The following ANK2 variants were observed in gnomAD, a reference collection of about 807,000 sequenced individuals.
ANK2 encodes the protein ankyrin 2, also known as ankyrin-2.
ANK2 carries 83 observed loss-of-function variants against 360.5 expected under a neutral mutation model. That is an observed-to-expected ratio of 0.23 (90% confidence interval 0.19 to 0.28). The LOEUF is 0.28. Ranked by LOEUF, ANK2 falls within the 10% of genes least tolerant of loss-of-function variation. The pLI is 1.00. For missense variants in ANK2, 4,201 were observed against 4,795.7 expected (o/e 0.88, Z 3.66); for synonymous variants, 1,740 against 1,759.5 (o/e 0.99, Z 0.28).
intron 1 of ANK2, among the ~76,000 whole-genome samples, chr4:113,062,613 G>A (rs2074019502): frequency 6.6e-6 from 1 of 152,062 alleles, no homozygotes; most frequent in African/African-American, 2.4e-5. Flanking sequence ...GAAGTAAACA[G>A]TTTTGAATAA....
the ANK2 span, among the ~76,000 whole-genome samples, chr4:112,725,878 G>A: frequency 5.3e-5 from 8 of 151,704 alleles, no homozygotes; most frequent in Non-Finnish European, 1.0e-4. Context: ...TGTGAAAATG[G>A]CAAATTTTAT....
chr4:113,167,846 A>G (rs1300103764), intron 1 of ANK2, among the ~76,000 whole-genome samples: 1 of 152,214 alleles, frequency 6.6e-6, no homozygotes, highest in East Asian at 1.9e-4. Flanking sequence ...AATAAATGGA[A>G]TAAAAGACAT....
intron 1 of ANK2, among the ~76,000 whole-genome samples, chr4:112,848,422 A>G (rs1199382971): frequency 2.0e-5 from 3 of 152,200 alleles, no homozygotes; most frequent in African/African-American, 7.2e-5. Flanking sequence ...TTGGCCTCCC[A>G]AAGTGCGGGG....
intron 34 of ANK2, among the ~76,000 whole-genome samples, chr4:113,344,761 A>G (rs971259588): frequency 1.7e-4 from 26 of 152,216 alleles, no homozygotes; most frequent in African/African-American, 5.8e-4. Flanking sequence ...TAGACACAAA[A>G]GGACAAATAT....
intron 1 of ANK2, among the ~76,000 whole-genome samples, chr4:113,090,385 G>A (rs889667348): frequency 1.3e-5 from 2 of 152,134 alleles, no homozygotes; most frequent in African/African-American, 2.4e-5. Flanking sequence ...GTATGAAACA[G>A]ATATCCTCTT....
At chr4:112,953,191 C>CTA (rs2095137444) in intron 2 of ANK2, among the ~76,000 whole-genome samples, 1 of 152,164 alleles carries the variant, frequency 6.6e-6, no homozygotes, top group Non-Finnish European at 1.5e-5. Context: ...CCCAGAGGCA[C>CTA]TATAATCTCC....
intron 2 of ANK2, among the ~76,000 whole-genome samples, chr4:112,958,296 T>G (rs2032165429): frequency 6.6e-6 from 1 of 152,314 alleles, no homozygotes; most frequent in African/African-American, 2.4e-5. Context: ...CACTCCAGCC[T>G]GGGCACCATT....
At chr4:112,795,704 A>T in the ANK2 span, among the ~76,000 whole-genome samples, 12 of 151,696 alleles carry the variant, frequency 7.9e-5, no homozygotes, top group Non-Finnish European at 1.3e-4. Context: ...GGGTTTCACA[A>T]TGTTGGCCAG....
chr4:112,857,051 T>TG (rs34126207), intron 1 of ANK2, among the ~76,000 whole-genome samples: 30,873 of 151,454 alleles, frequency 0.2, 3,207 homozygotes, highest in Non-Finnish European at 0.22. Context: ...ATATCAAGAG[T>TG]GGGGGATTCT....
Position 113,236,828 on chromosome 4 carries a change from A to G in ANK2, c.484-159A>G, listed in dbSNP as rs148460502. Among the ~76,000 whole-genome samples the G allele has an allele frequency of 4.7e-3, 711 of 152,358 alleles. 2 individuals carry two copies. The highest frequency in any genetic ancestry group is 0.016 in the African/African-American group (663 of 41,584). ...TCTGATTAAACTATTCCATAATATG[A>G]TGGATAACTGGTTATAATCTGCTTC... On this transcript the variant is annotated intron_variant, in intron 5 of 45. Transcript: ENST00000357077.
intron 1 of ANK2, among the ~76,000 whole-genome samples, chr4:112,871,310 C>T (rs900919938): frequency 6.6e-6 from 1 of 152,020 alleles, no homozygotes; most frequent in African/African-American, 2.4e-5. Context: ...CTCAGCCTCC[C>T]AAGAGGCTGG....
At chr4:112,919,483 A>G (rs1175965587) in intron 2 of ANK2, among the ~76,000 whole-genome samples, 2 of 152,188 alleles carry the variant, frequency 1.3e-5, no homozygotes, top group Admixed American at 1.3e-4. Context: ...ATGAAGGCCA[A>G]TTTAATATAA....
chr4:113,310,459 C>T (rs2079337965), intron 23 of ANK2, among the ~76,000 whole-genome samples: 1 of 151,998 alleles, frequency 6.6e-6, no homozygotes, highest in Admixed American at 6.6e-5. Flanking sequence ...CTCTGTCACC[C>T]AGGCTGGAGT....
At chr4:112,813,198 A>C (rs1399672629), upstream of ANK2, among the ~76,000 whole-genome samples, 1 of 149,814 alleles carries the variant, frequency 6.7e-6, no homozygotes, top group Non-Finnish European at 1.5e-5. Flanking sequence ...AGACTGCACC[A>C]CTGCACTCCA....
the ANK2 span, among the ~76,000 whole-genome samples, chr4:112,794,772 A>G: frequency 6.6e-6 from 1 of 152,214 alleles, no homozygotes; most frequent in Non-Finnish European, 1.5e-5. Flanking sequence ...ACTTGCTGCC[A>G]GGAGTCTCAT....
intron 18 of ANK2, 52 bp from the exon 19 acceptor site, chr4:113,287,553 G>A: frequency 7.9e-7 from 1 of 1,263,994 alleles, no homozygotes; most frequent in South Asian, 1.2e-5. Context: ...TATAGATGAT[G>A]CAATGTATTT....
the ANK2 span, among the ~76,000 whole-genome samples, chr4:112,758,252 C>A: frequency 6.6e-6 from 1 of 152,070 alleles, no homozygotes; most frequent in African/African-American, 2.4e-5. Context: ...CACATTCTAA[C>A]ATTAAATTAG....
intron 1 of ANK2, chr4:112,881,929 C>G (rs1346416897): frequency 3.0e-6 from 2 of 675,284 alleles, no homozygotes; most frequent in Admixed American, 1.9e-5. Flanking sequence ...TGTGGCTTTG[C>G]ATTCACGGCT....
intron 33 of ANK2, among the ~76,000 whole-genome samples, chr4:113,342,603 G>A (rs1422652068): frequency 6.6e-6 from 1 of 152,104 alleles, no homozygotes; most frequent in Admixed American, 6.5e-5. Context: ...AGGAGGCAGA[G>A]GCAGGAGAAT....
Sources: allele counts gnomAD v4.1 joint callset (sites outside exome capture counted in the v4.1 genomes callset), GRCh38; gene constraint gnomAD v4.1.1; transcripts MANE v1.5; gene names NCBI Gene and HGNC (gene_info 2026-07-23, HGNC 2026-07-21).